Variants in CALN1 observed in about 807,000 individuals in gnomAD.
CALN1 encodes calneuron 1, also known as calcium-binding protein 8.
A neutral mutation model predicts 30.6 loss-of-function variants in CALN1; 17 were observed. The observed-to-expected ratio is 0.56, with a 90% CI of 0.38 to 0.83. The LOEUF (loss-of-function observed/expected upper bound fraction) is 0.83, where lower values mean the gene tolerates loss of function less well. Ranked by LOEUF, CALN1 falls within the 40% of genes least tolerant of loss-of-function variation. CALN1 has a pLI of 0.00. For missense variants in CALN1, 291 were observed against 354.9 expected (o/e 0.82, Z 1.45); for synonymous variants, 156 against 131.4 (o/e 1.19, Z -1.28).
intron 2 of CALN1, among the ~76,000 whole-genome samples, chr7:72,375,288 T>C (rs1217718347): frequency 1.3e-5 from 2 of 152,046 alleles, no homozygotes; most frequent in African/African-American, 2.4e-5. Flanking sequence ...CTGCTTTCAA[T>C]GGGGTGGCTC....
chr7:72,439,405 T>C (rs1808276597), intron 1 of CALN1, among the ~76,000 whole-genome samples: 1 of 152,148 alleles, frequency 6.6e-6, no homozygotes, highest in African/African-American at 2.4e-5. Context: ...ACTGATAACG[T>C]AAACAGTTGA....
Position 72,214,549 on chromosome 7 carries a change from T to TTA in CALN1, c.244+64136_244+64137insTA, listed in dbSNP as rs1792636527. Among the ~76,000 whole-genome samples, 9 of 151,970 alleles carry TTA rather than the reference T, an allele frequency of 5.9e-5. 1 individual carries two copies. In the South Asian group the frequency reaches 1.9e-3, roughly 32 times the overall value. On this transcript the variant is annotated intron_variant, in intron 3 of 6. Transcript: ENST00000395275. ...TATTAAGATAGGTCTTTTGAGGACT[T>TTA]TGAGGCTGCAGTGAGCTATGATTGC...
chr7:72,380,531 G>A (rs558274943), intron 2 of CALN1, among the ~76,000 whole-genome samples: 28 of 152,298 alleles, frequency 1.8e-4, no homozygotes, highest in East Asian at 1.7e-3. Context: ...GCTGAGGCAG[G>A]AGGATCGCTT....
At chr7:72,206,262 G>C (rs772859140) in intron 3 of CALN1, among the ~76,000 whole-genome samples, 2 of 152,048 alleles carry the variant, frequency 1.3e-5, no homozygotes, top group South Asian at 2.1e-4. Flanking sequence ...ATTTGTTTTG[G>C]CCTCTTCTTC....
chr7:71,882,850 TTGTGTGTGTGTGTGTGTGTGTG>T (rs34870061), intron 5 of CALN1, among the ~76,000 whole-genome samples: 1 of 130,970 alleles, frequency 7.6e-6, no homozygotes, highest in South Asian at 2.6e-4. Context: ...CCCATCTAAT[TTGTGTGTGTGTGTGTGTGTGTG>T]TGTGTGTGTG....
Position 72,145,397 on chromosome 7 carries a change from T to G in CALN1, c.245-39103A>C, listed in dbSNP as rs553550074. ...AGAAATCGATAAATTCCTTGACACA[T>G]ACACTCTCCCAAGACTAAACCAGGA... On this transcript the variant is annotated intron_variant, in intron 3 of 6. Transcript: ENST00000395275. 1.2e-4 allele frequency among the ~76,000 whole-genome samples: 18 copies of G among 152,288 alleles called. No individual in the cohort carries two copies. In the South Asian group the frequency reaches 3.5e-3, roughly 30 times the overall value.
intron 2 of CALN1, among the ~76,000 whole-genome samples, chr7:72,305,402 T>C (rs577542035): frequency 6.6e-6 from 1 of 152,194 alleles, no homozygotes; most frequent in Non-Finnish European, 1.5e-5. Flanking sequence ...TCTCTTTTAA[T>C]TAATAAGTTG....
At chr7:72,217,095 A>C (rs903065969) in intron 3 of CALN1, among the ~76,000 whole-genome samples, 1 of 152,136 alleles carries the variant, frequency 6.6e-6, no homozygotes. Flanking sequence ...CAATAGAGAA[A>C]ATACAAGAAA....
At chr7:71,825,125 G>C (rs1009143922) in intron 5 of CALN1, among the ~76,000 whole-genome samples, 1 of 152,060 alleles carries the variant, frequency 6.6e-6, no homozygotes, top group Non-Finnish European at 1.5e-5. Flanking sequence ...CTAAAGGGTG[G>C]GTCCAACCAT....
intron 3 of CALN1, among the ~76,000 whole-genome samples, chr7:72,196,119 C>CA (rs1562720194): frequency 7.0e-6 from 1 of 143,400 alleles, no homozygotes. Context: ...TTTTTCTTTT[C>CA]TTTTTTTTTT....
chr7:71,996,057 T>A (rs909577879), intron 5 of CALN1, among the ~76,000 whole-genome samples: 12 of 152,110 alleles, frequency 7.9e-5, no homozygotes, highest in African/African-American at 2.4e-4. Context: ...CAGCCCTGTA[T>A]AAACCAGGCT....
At chr7:72,115,932 T>C (rs2129541871) in intron 3 of CALN1, among the ~76,000 whole-genome samples, 1 of 152,286 alleles carries the variant, frequency 6.6e-6, no homozygotes, top group South Asian at 2.1e-4. Context: ...TTTCTTTCTG[T>C]GCTTTACTTA....
At chr7:72,292,964 C>CA (rs1300469888) in intron 2 of CALN1, among the ~76,000 whole-genome samples, 1 of 152,072 alleles carries the variant, frequency 6.6e-6, no homozygotes, top group Non-Finnish European at 1.5e-5. Flanking sequence ...TCTGCATGAA[C>CA]ATTAAAACCC....
At chr7:71,907,939 C>T (rs148701642) in intron 5 of CALN1, among the ~76,000 whole-genome samples, 1,563 of 152,344 alleles carry the variant, frequency 0.01, 19 homozygotes, top group African/African-American at 0.036. Context: ...AATGTGTATG[C>T]ATATGCGTGT....
At chr7:72,008,858 G>A (rs896397868) in intron 5 of CALN1, among the ~76,000 whole-genome samples, 1 of 151,064 alleles carries the variant, frequency 6.6e-6, no homozygotes, top group South Asian at 2.1e-4. Context: ...GTTTCACCAT[G>A]TTGGCCAGGC....
chr7:72,236,079 CA>C (rs11299009), intron 3 of CALN1, among the ~76,000 whole-genome samples: 83,324 of 118,480 alleles, frequency 0.7, 27,369 homozygotes, highest in East Asian at 0.97. Context: ...CCATTCTCCA[CA>C]AAAAAAAAAA....
chr7:72,212,030 A>G (rs1792432981), intron 3 of CALN1, among the ~76,000 whole-genome samples: 2 of 152,078 alleles, frequency 1.3e-5, no homozygotes, highest in Non-Finnish European at 2.9e-5. Flanking sequence ...TTATTTTCCA[A>G]TTCAAATCCA....
At chr7:72,106,101 G>A (rs2129541259) in intron 4 of CALN1, 50 bp downstream of exon 4, 1 of 1,591,148 alleles carries the variant, frequency 6.3e-7, no homozygotes, top group Middle Eastern at 1.9e-4. Flanking sequence ...AGGTCTCACT[G>A]ATGAGACCGG....
chr7:72,297,448 A>G (rs1798942593), intron 2 of CALN1, among the ~76,000 whole-genome samples: 1 of 152,204 alleles, frequency 6.6e-6, no homozygotes, highest in African/African-American at 2.4e-5. Context: ...AATAGATAAC[A>G]TCCTGAAATA....
Sources: allele counts gnomAD v4.1 joint callset (sites outside exome capture counted in the v4.1 genomes callset), GRCh38; gene constraint gnomAD v4.1.1; transcripts MANE v1.5; gene names NCBI Gene and HGNC (gene_info 2026-07-23, HGNC 2026-07-21).